Variants in SCFD2 observed in about 807,000 individuals in gnomAD.
The protein encoded by SCFD2 is sec1 family domain containing 2, also known as sec1 family domain-containing protein 2.
SCFD2 carries 54 observed loss-of-function variants against 58.9 expected under a neutral mutation model. That is an observed-to-expected ratio of 0.92 (90% CI 0.74 to 1.15). The LOEUF is 1.15. Ranked by LOEUF, SCFD2 falls within the 50% of genes most tolerant of loss-of-function variation. The pLI, the probability that SCFD2 is intolerant of heterozygous loss-of-function variation, is 0.00. For missense variants in SCFD2, 805 were observed against 836.6 expected (o/e 0.96, Z 0.47); for synonymous variants, 321 against 335.9 (o/e 0.96, Z 0.49).
intron 3 of SCFD2, among the ~76,000 whole-genome samples, chr4:53,289,237 G>C (rs113294191): frequency 6.6e-6 from 1 of 151,880 alleles, no homozygotes; most frequent in Non-Finnish European, 1.5e-5. Context: ...ATGGTGGCAG[G>C]CGCCTGTAAT....
intron 5 of SCFD2, among the ~76,000 whole-genome samples, chr4:53,051,590 CA>C (rs1723193316): frequency 6.6e-6 from 1 of 152,096 alleles, no homozygotes; most frequent in Admixed American, 6.6e-5. Flanking sequence ...TAGGTAAAGC[CA>C]CTTTATAATT....
At chr4:53,053,249 A>T (rs895987984) in intron 5 of SCFD2, among the ~76,000 whole-genome samples, 3 of 151,820 alleles carry the variant, frequency 2.0e-5, no homozygotes, top group African/African-American at 4.8e-5. Flanking sequence ...CTGGCAAAAC[A>T]AATATATAGT....
chr4:53,170,587 G>C lies in SCFD2; in HGVS notation c.1312-25005C>G, dbSNP rs528740685. Among the ~76,000 whole-genome samples, 9 of 152,260 alleles carry C rather than the reference G, an allele frequency of 5.9e-5. No homozygotes were observed. In the South Asian group the frequency reaches 1.9e-3, roughly 32 times the overall value. On this transcript the variant is annotated intron_variant, in intron 4 of 8. Coordinates refer to ENST00000401642, the MANE Select transcript of SCFD2 (RefSeq NM_152540.4). ...CTGTGAAAAATGCCATTGGAAATTT[G>C]ATAGAAATTGCACTGAATCTGTAGA...
chr4:53,120,202 AAG>A (rs1338426468), intron 5 of SCFD2, among the ~76,000 whole-genome samples: 2 of 152,238 alleles, frequency 1.3e-5, no homozygotes, highest in Non-Finnish European at 2.9e-5. Context: ...GCTGGGGGAA[AAG>A]AGACAAAAAA....
At chr4:53,066,034 A>C (rs1723653352) in intron 5 of SCFD2, among the ~76,000 whole-genome samples, 1 of 152,144 alleles carries the variant, frequency 6.6e-6, no homozygotes, top group South Asian at 2.1e-4. Context: ...ATATTCTGGA[A>C]CTACGCTTTG....
intron 4 of SCFD2, among the ~76,000 whole-genome samples, chr4:53,264,587 T>C (rs866555861): frequency 4.6e-5 from 7 of 152,112 alleles, no homozygotes; most frequent in Middle Eastern, 3.2e-3. Flanking sequence ...GAAGGCATTA[T>C]AAAACAGAAC....
intron 5 of SCFD2, among the ~76,000 whole-genome samples, chr4:52,937,196 A>G (rs923875384): frequency 2.6e-5 from 4 of 152,244 alleles, no homozygotes; most frequent in Admixed American, 1.3e-4. Flanking sequence ...TCTGGACAGA[A>G]GGGCAGCAAG....
At chr4:53,177,151 T>G (rs771594985) in intron 4 of SCFD2, among the ~76,000 whole-genome samples, 5 of 152,184 alleles carry the variant, frequency 3.3e-5, no homozygotes, top group Non-Finnish European at 7.3e-5. Context: ...GAGTGCCAGA[T>G]AGAAGAGATA....
chr4:52,971,338 G>A (rs1721095560), intron 5 of SCFD2, among the ~76,000 whole-genome samples: 1 of 152,216 alleles, frequency 6.6e-6, no homozygotes, highest in Admixed American at 6.5e-5. Context: ...TGACGGAGCT[G>A]AAAACCATGG....
chr4:53,296,664 T>A (rs1251908329), intron 3 of SCFD2, among the ~76,000 whole-genome samples: 1 of 152,212 alleles, frequency 6.6e-6, no homozygotes, highest in Non-Finnish European at 1.5e-5. Flanking sequence ...CTTAGTTATT[T>A]CTTGCCTTCT....
At chr4:53,342,357 A>C (rs1204171084) in intron 2 of SCFD2, among the ~76,000 whole-genome samples, 2 of 152,198 alleles carry the variant, frequency 1.3e-5, no homozygotes, top group African/African-American at 2.4e-5. Context: ...AAAAGAGACA[A>C]AGAAGGCCAT....
chr4:52,895,496 T>C (rs1232906557), intron 7 of SCFD2, among the ~76,000 whole-genome samples: 1 of 152,212 alleles, frequency 6.6e-6, no homozygotes, highest in East Asian at 1.9e-4. Context: ...ACAAAGGACA[T>C]GAACTCATCC....
chr4:52,972,613 CAGA>C (rs1425311867), intron 5 of SCFD2, among the ~76,000 whole-genome samples: 2 of 152,130 alleles, frequency 1.3e-5, no homozygotes, highest in Non-Finnish European at 2.9e-5. Context: ...ATCAACAAGA[CAGA>C]AAATTAACAA....
chr4:53,323,376 T>C (rs529961882), intron 2 of SCFD2, among the ~76,000 whole-genome samples: 2 of 152,168 alleles, frequency 1.3e-5, no homozygotes, highest in African/African-American at 4.8e-5. Context: ...TAGTTCTTTT[T>C]TGTTGTTGTT....
chr4:52,911,786 C>T (rs1164984841), intron 6 of SCFD2, among the ~76,000 whole-genome samples: 2 of 152,094 alleles, frequency 1.3e-5, no homozygotes, highest in Non-Finnish European at 2.9e-5. Flanking sequence ...AATTCCAAAC[C>T]CTCTCTTCTA....
At chr4:52,954,502 A>G (rs1008528365) in intron 5 of SCFD2, among the ~76,000 whole-genome samples, 2 of 152,206 alleles carry the variant, frequency 1.3e-5, no homozygotes, top group African/African-American at 4.8e-5. Flanking sequence ...GAAAATATTC[A>G]GTTGGGCCAA....
chr4:53,309,900 C>A (rs1462785879), intron 3 of SCFD2, among the ~76,000 whole-genome samples: 1 of 152,094 alleles, frequency 6.6e-6, no homozygotes, highest in African/African-American at 2.4e-5. Flanking sequence ...CTTTTATTCT[C>A]CTTCAAAAGT....
chr4:53,007,305 G>GGGGAGAGAGAGAGAGAGA (rs1553913998), intron 5 of SCFD2, among the ~76,000 whole-genome samples: 1 of 66,072 alleles, frequency 1.5e-5, no homozygotes, highest in Non-Finnish European at 2.7e-5. Flanking sequence ...AGAGGGAGAG[G>GGGGAGAGAGAGAGAGAGA]GAGAGAGAGA....
intron 5 of SCFD2, among the ~76,000 whole-genome samples, chr4:52,951,735 C>T (rs1245634919): frequency 1.3e-5 from 2 of 152,162 alleles, no homozygotes; most frequent in Non-Finnish European, 2.9e-5. Context: ...CTGTGGAGAC[C>T]TCAAGATGGT....
Sources: gnomAD v4.1 joint callset for allele counts (sites outside exome capture counted in the v4.1 genomes callset) on GRCh38, gnomAD v4.1.1 for gene constraint, MANE v1.5 for transcripts, NCBI Gene and HGNC (gene_info 2026-07-23, HGNC 2026-07-21) for gene names.